The following FGF12 variants were observed in gnomAD, a reference collection of about 807,000 sequenced individuals.
FGF12 encodes the protein fibroblast growth factor 12B.
A neutral mutation model predicts 23.6 loss-of-function variants in FGF12; 14 were observed. That is an observed-to-expected ratio of 0.59 (90% confidence interval 0.39 to 0.93). The LOEUF (loss-of-function observed/expected upper bound fraction) is 0.93. Ranked by LOEUF, FGF12 falls within the 40% of genes least tolerant of loss-of-function variation. The pLI is 0.00. For synonymous variants in FGF12, 62 were observed against 77.3 expected (o/e 0.80, Z 1.04); for missense variants, 175 against 217.8 (o/e 0.80, Z 1.24).
At chr3:192,146,113 T>C (rs1027152234) in intron 5 of FGF12, among the ~76,000 whole-genome samples, 13 of 152,138 alleles carry the variant, frequency 8.5e-5, no homozygotes, top group Non-Finnish European at 5.9e-5. Context: ...CTGTGAAAAC[T>C]TACACATCTG....
chr3:192,226,446 C>A lies in FGF12; in HGVS notation c.229-55790G>T, dbSNP rs1046884370. On this transcript the variant is annotated intron_variant, in intron 4 of 5. Transcript: ENST00000445105. ...GAATAAGGCAGAATTGTGTGTGTTG[C>A]AAAGACAACATAAAATGCCATTACT... Among the ~76,000 whole-genome samples the A allele has an allele frequency of 2.6e-5, 4 of 152,012 alleles. No individual in the cohort carries two copies. In the South Asian group the frequency reaches 6.2e-4, roughly 24 times the overall value.
intron 2 of FGF12, among the ~76,000 whole-genome samples, chr3:192,614,144 TACCACA>T (rs1714659586): frequency 6.6e-6 from 1 of 151,994 alleles, no homozygotes; most frequent in Admixed American, 6.6e-5. Flanking sequence ...TGTATATCCC[TACCACA>T]GATCATTTTA....
chr3:192,203,590 T>A (rs2366570), intron 4 of FGF12, among the ~76,000 whole-genome samples: 2 of 143,766 alleles, frequency 1.4e-5, no homozygotes, highest in Admixed American at 6.9e-5. Flanking sequence ...TTTTTGAAGA[T>A]AGGGTCTTAC....
chr3:192,155,507 T>C, intron 5 of FGF12, among the ~76,000 whole-genome samples: 1 of 152,312 alleles, frequency 6.6e-6, no homozygotes, highest in East Asian at 1.9e-4. Flanking sequence ...TTGGGCGATC[T>C]AAAACATGTT....
intron 2 of FGF12, among the ~76,000 whole-genome samples, chr3:192,597,125 A>G (rs1713889902): frequency 6.6e-6 from 1 of 152,210 alleles, no homozygotes; most frequent in African/African-American, 2.4e-5. Context: ...TACCTAGTCC[A>G]GGGCCTTGAG....
chr3:192,145,535 C>T (rs1247221481), intron 5 of FGF12, among the ~76,000 whole-genome samples: 1 of 152,178 alleles, frequency 6.6e-6, no homozygotes, highest in Non-Finnish European at 1.5e-5. Context: ...TGAGAGTCTC[C>T]ATTTTAAATA....
chr3:192,279,230 G>GTATATATATATA lies in FGF12; in HGVS notation c.228+56119_228+56130dup, dbSNP rs59504943. ...TAAGTCATGCTTGGTTAATGTATGA[G>GTATATATATATA]TATATATATATATATATATATATAA... On this transcript the variant is annotated intron_variant, in intron 4 of 5. Coordinates refer to ENST00000445105, the MANE Select transcript of FGF12 (RefSeq NM_004113.6). Among the ~76,000 whole-genome samples, 343 of 131,932 alleles carry GTATATATATATA rather than the reference G, an allele frequency of 2.6e-3. 9 individuals are homozygous for GTATATATATATA. Among genetic ancestry groups the GTATATATATATA allele is most frequent in the East Asian group, 0.022 (108 of 4,816 alleles). 86.6% of individuals were successfully genotyped at this position (131,932 alleles called of 152,430 possible). A position where few individuals can be genotyped will look rare whatever the true frequency, so the allele number is the denominator to read the frequency against.
At chr3:192,677,841 C>T (rs1397464326) in intron 2 of FGF12, among the ~76,000 whole-genome samples, 5 of 152,158 alleles carry the variant, frequency 3.3e-5, no homozygotes, top group South Asian at 2.1e-4. Flanking sequence ...CTAATCCATA[C>T]GTCTGGGGCA....
intron 2 of FGF12, among the ~76,000 whole-genome samples, chr3:192,508,123 G>T (rs562880864): frequency 2.6e-5 from 4 of 152,160 alleles, no homozygotes; most frequent in Non-Finnish European, 4.4e-5. Flanking sequence ...AAGTAACAAC[G>T]TGGGCAATCA....
At chr3:192,592,054 G>A (rs189293829) in intron 2 of FGF12, among the ~76,000 whole-genome samples, 7 of 151,568 alleles carry the variant, frequency 4.6e-5, no homozygotes, top group African/African-American at 1.2e-4. Flanking sequence ...GTTAGGCAGG[G>A]GGAAAAAAAA....
chr3:192,225,680 T>C (rs1051867426), intron 4 of FGF12, among the ~76,000 whole-genome samples: 14 of 152,164 alleles, frequency 9.2e-5, no homozygotes, highest in African/African-American at 3.4e-4. Context: ...CATAGCAGCA[T>C]AATTCATAAC....
intron 2 of FGF12, among the ~76,000 whole-genome samples, chr3:192,528,685 G>A (rs1278726796): frequency 6.6e-6 from 1 of 152,184 alleles, no homozygotes; most frequent in Non-Finnish European, 1.5e-5. Flanking sequence ...TGAACATCTA[G>A]GCGTTTCCTT....
chr3:192,249,947 C>T (rs777552075), intron 4 of FGF12, among the ~76,000 whole-genome samples: 56 of 152,200 alleles, frequency 3.7e-4, no homozygotes, highest in Middle Eastern at 3.4e-3. Context: ...CAAAAAGCAA[C>T]GATTGAGAAA....
In FGF12 at chr3:192,140,846, A is replaced by C. The variant is rs372999566; in HGVS notation, c.*3163T>G. ...AGAATAGGATGGCTTGCTGCCCTCC[A>C]ATTTGCGGAAGCACAAAAGTCTCTG... On this transcript the variant is annotated 3_prime_UTR_variant, in exon 6 of 6. Transcript: ENST00000445105. 1.3e-5 allele frequency: 2 copies of C among 152,054 alleles called. No individual in the cohort carries two copies. Among genetic ancestry groups the C allele is most frequent in the East Asian group, 1.9e-4 (1 of 5,186 alleles). 9.4% of individuals were successfully genotyped at this position (152,054 alleles called of 1,614,324 possible). A position where few individuals can be genotyped will look rare whatever the true frequency, so the allele number is the denominator to read the frequency against.
At chr3:192,390,633 T>C (rs1576940755) in intron 2 of FGF12, among the ~76,000 whole-genome samples, 1 of 152,218 alleles carries the variant, frequency 6.6e-6, no homozygotes. Context: ...GTGATGACCA[T>C]GACCATGCTA....
intron 4 of FGF12, among the ~76,000 whole-genome samples, chr3:192,251,054 TAC>T (rs1711974103): frequency 6.6e-6 from 1 of 152,128 alleles, no homozygotes; most frequent in Admixed American, 6.6e-5. Context: ...AAGAAAAACT[TAC>T]AGTCTTAAGC....
chr3:192,602,060 G>A (rs1441720197), intron 2 of FGF12, among the ~76,000 whole-genome samples: 1 of 151,942 alleles, frequency 6.6e-6, no homozygotes, highest in East Asian at 1.9e-4. Context: ...CTGATAGAAT[G>A]TACAACACCT....
At chr3:192,203,870 C>A (rs1178022038) in intron 4 of FGF12, among the ~76,000 whole-genome samples, 1 of 152,042 alleles carries the variant, frequency 6.6e-6, no homozygotes, top group Non-Finnish European at 1.5e-5. Context: ...TTCCAAAGTG[C>A]TAGAATTATA....
chr3:192,170,417 A>T (rs767965533), intron 5 of FGF12, 41 bp downstream of exon 5: 5 of 1,557,778 alleles, frequency 3.2e-6, no homozygotes, highest in Non-Finnish European at 4.4e-6. Flanking sequence ...ATGTCAACAC[A>T]CAGATAAGGG....
Sources: allele counts gnomAD v4.1 joint callset (sites outside exome capture counted in the v4.1 genomes callset), GRCh38; gene constraint gnomAD v4.1.1; transcripts MANE v1.5; gene names NCBI Gene and HGNC (gene_info 2026-07-23, HGNC 2026-07-21).